CUBN: variants seen among roughly 807,000 people sequenced by gnomAD.
CUBN encodes 460 kDa receptor.
Under a neutral mutation model 405.3 loss-of-function variants are expected in CUBN, and 282 were observed. That is an observed-to-expected ratio of 0.70 (90% confidence interval 0.63 to 0.77). The LOEUF is 0.77. Among genes scored for constraint, CUBN ranks in the 30% least tolerant of loss-of-function variants. The probability of loss-of-function intolerance (pLI) is 0.00; values close to 1 mark genes in which losing one functional copy is unlikely to be tolerated. For missense variants in CUBN, 4,514 were observed against 4,475.2 expected, an observed-to-expected ratio of 1.01 and a Z score of -0.25; for synonymous variants, 1,684 against 1,617.0, an observed-to-expected ratio of 1.04 and a Z score of -0.99.
At chr10:16,825,696 G>A (rs1007672083) in intron 66 of CUBN, among the ~76,000 whole-genome samples, 10 of 145,614 alleles carry the variant, frequency 6.9e-5, no homozygotes, top group South Asian at 2.2e-4. Flanking sequence ...ATGGGTCCCC[G>A]TTGTCTCTCA....
At chr10:17,065,248 G>T (rs1292679763) in intron 22 of CUBN, among the ~76,000 whole-genome samples, 1 of 150,482 alleles carries the variant, frequency 6.6e-6, no homozygotes, top group Non-Finnish European at 1.5e-5. Flanking sequence ...TCAGTGTATT[G>T]TTCCTAAGGG....
chr10:16,964,386 A>G (rs10904856), intron 31 of CUBN, among the ~76,000 whole-genome samples: 46,295 of 151,986 alleles, frequency 0.3, 7,719 homozygotes, highest in Middle Eastern at 0.44. Flanking sequence ...AGAAAATTTC[A>G]AATAATATGA....
intron 43 of CUBN, among the ~76,000 whole-genome samples, chr10:16,924,549 T>C (rs1216273730): frequency 6.6e-6 from 1 of 152,160 alleles, no homozygotes; most frequent in African/African-American, 2.4e-5. Flanking sequence ...CATAGGATCA[T>C]TTTGAAATCT....
intron 28 of CUBN, among the ~76,000 whole-genome samples, chr10:17,006,115 G>A (rs1279267140): frequency 6.6e-6 from 1 of 152,164 alleles, no homozygotes; most frequent in Non-Finnish European, 1.5e-5. Context: ...CACTTCTGCT[G>A]CTTAAGCCTC....
chr10:17,104,650 A>G, intron 11 of CUBN, 45 bp from the exon 12 acceptor site: 1 of 1,464,592 alleles, frequency 6.8e-7, no homozygotes. Flanking sequence ...AAATGGATAG[A>G]CACTAAACTT....
chr10:16,991,065 TA>T (rs61359481), intron 28 of CUBN, among the ~76,000 whole-genome samples: 111,480 of 151,962 alleles, frequency 0.73, 42,917 homozygotes, highest in Non-Finnish European at 0.87. Flanking sequence ...AAATTTACAT[TA>T]AAAAAAATAC....
At chr10:17,017,826 C>G (rs143052924) in intron 28 of CUBN, among the ~76,000 whole-genome samples, 1 of 152,018 alleles carries the variant, frequency 6.6e-6, no homozygotes, top group Non-Finnish European at 1.5e-5. Flanking sequence ...TTTTTAGAAG[C>G]GGGACTAGCC....
chr10:17,074,668 G>A lies in CUBN; in HGVS notation c.2302-2697C>T, dbSNP rs552678628. 4.6e-5 allele frequency among the ~76,000 whole-genome samples: 7 copies of A among 152,236 alleles called. No homozygotes were observed. In the East Asian group the frequency reaches 7.7e-4, roughly 17 times the overall value. On this transcript the variant is annotated intron_variant, in intron 17 of 66. Coordinates refer to ENST00000377833, the MANE Select transcript of CUBN (RefSeq NM_001081.4). Reference sequence around the variant, plus strand: ...GTCACCAACCCACATAACTGTGTCAGCCTGCATTTGTACTGTCATATTCAT... The same window carrying A: ...GTCACCAACCCACATAACTGTGTCAACCTGCATTTGTACTGTCATATTCAT...
chr10:17,088,178 T>C lies in CUBN; in HGVS notation c.1933A>G (p.Lys645Glu). The C allele has an allele frequency of 6.2e-7, 1 of 1,612,724 alleles. No homozygotes were observed. Among genetic ancestry groups the C allele is most frequent in the Non-Finnish European group, 8.5e-7 (1 of 1,178,774 alleles). ...LSLEHHDDCN[K>E]DYLEIRDGPL... ...TAATTATTTACCTCAAGGTAATCTT[T>C]GTTGCAGTCATCATGGTGCTCGAGG... The change falls in exon 15 of 67, where the codon AAA becomes GAA. Residue 645 changes from lysine (K) to glutamate (E), a missense_variant. This residue lies in a region of CUBN where 1,448 missense variants were observed against 1,388.0 expected (regional missense o/e 1.04). Transcript: ENST00000377833.
At chr10:16,839,802 A>G (rs1222644571) in intron 62 of CUBN, among the ~76,000 whole-genome samples, 2 of 151,864 alleles carry the variant, frequency 1.3e-5, no homozygotes, top group East Asian at 3.9e-4. Context: ...AATAGCAAAG[A>G]CTTGGAACCA....
chr10:16,936,061 A>C (rs1842494794), intron 39 of CUBN, among the ~76,000 whole-genome samples: 1 of 151,924 alleles, frequency 6.6e-6, no homozygotes, highest in South Asian at 2.1e-4. Context: ...AATTCTCTTG[A>C]CCCCTTACTT....
chr10:16,858,898 G>A (rs146683641), intron 59 of CUBN, among the ~76,000 whole-genome samples: 266 of 152,294 alleles, frequency 1.7e-3, no homozygotes, highest in African/African-American at 6.0e-3. Flanking sequence ...TCAACCAATG[G>A]TGCTAGAGCA....
At chr10:16,987,390 G>T (rs1474124365) in intron 29 of CUBN, among the ~76,000 whole-genome samples, 3 of 152,230 alleles carry the variant, frequency 2.0e-5, no homozygotes, top group Non-Finnish European at 4.4e-5. Flanking sequence ...CAAATGCTCA[G>T]GATGGAGGAC....
chr10:16,912,277 A>G (rs1841754998), intron 48 of CUBN, among the ~76,000 whole-genome samples: 1 of 152,236 alleles, frequency 6.6e-6, no homozygotes, highest in Non-Finnish European at 1.5e-5. Context: ...AGACGATTAA[A>G]CTGAAAACAA....
intron 56 of CUBN, among the ~76,000 whole-genome samples, chr10:16,877,602 C>A (rs980899222): frequency 6.6e-6 from 1 of 152,136 alleles, no homozygotes; most frequent in Non-Finnish European, 1.5e-5. Context: ...AAGCTTATGT[C>A]CAGATAAGGG....
At chr10:17,128,155 G>C (rs1342636221) in intron 2 of CUBN, among the ~76,000 whole-genome samples, 1 of 152,160 alleles carries the variant, frequency 6.6e-6, no homozygotes, top group South Asian at 2.1e-4. Context: ...TTTTCCATTT[G>C]TATGTTTTCC....
intron 24 of CUBN, 130 bp from the exon 25 acceptor site, chr10:17,045,318 AAG>A: frequency 1.1e-6 from 1 of 924,420 alleles, no homozygotes; most frequent in Non-Finnish European, 1.7e-6. Context: ...GGCATCATGA[AAG>A]AGTAGTTATA....
chr10:16,951,318 T>G (rs1842916529), intron 33 of CUBN, among the ~76,000 whole-genome samples: 1 of 152,204 alleles, frequency 6.6e-6, no homozygotes. Context: ...ATACTAGCAA[T>G]TTGTTAACTC....
chr10:17,090,294 A>ATACAATTATAT (rs1836225461), intron 14 of CUBN, among the ~76,000 whole-genome samples: 1 of 152,218 alleles, frequency 6.6e-6, no homozygotes, highest in South Asian at 2.1e-4. Context: ...TCTAAGAAAG[A>ATACAATTATAT]GGAAAATACA....
Sources: gnomAD v4.1 joint callset for allele counts (sites outside exome capture counted in the v4.1 genomes callset) on GRCh38, gnomAD v4.1.1 for gene constraint, gnomAD v4.1.1 regional missense constraint, MANE v1.5 for transcripts, NCBI Gene and HGNC (gene_info 2026-07-23, HGNC 2026-07-21) for gene names.